The following NRG1 variants were observed in gnomAD, a reference collection of about 807,000 sequenced individuals.
NRG1 encodes the protein pro-neuregulin-1, membrane-bound isoform.
A neutral mutation model predicts 63.8 loss-of-function variants in NRG1; 18 were observed. The ratio of observed to expected loss-of-function variants is 0.28; its 90% confidence interval spans 0.19 to 0.42. The LOEUF (loss-of-function observed/expected upper bound fraction) is 0.42. NRG1 is among the 10% of genes least tolerant of loss of function. The probability of loss-of-function intolerance (pLI) is 1.00; values close to 1 mark genes in which losing one functional copy is unlikely to be tolerated. For missense variants in NRG1, 762 were observed against 814.7 expected (o/e 0.94, Z 0.79); for synonymous variants, 302 against 301.3 (o/e 1.00, Z -0.02).
At chr8:32,225,232 G>A (rs1460447341) in intron 1 of NRG1, among the ~76,000 whole-genome samples, 5 of 152,112 alleles carry the variant, frequency 3.3e-5, no homozygotes, top group African/African-American at 1.2e-4. Context: ...GTTAGTAAGT[G>A]GACAAAGTAG....
chr8:32,751,670 T>A (rs1295686233), intron 7 of NRG1, among the ~76,000 whole-genome samples: 2 of 152,224 alleles, frequency 1.3e-5, no homozygotes, highest in East Asian at 3.9e-4. Flanking sequence ...ATCCCACGTC[T>A]GTATTCTATG....
chr8:32,709,057 A>G (rs867281550), intron 5 of NRG1, among the ~76,000 whole-genome samples: 1 of 152,242 alleles, frequency 6.6e-6, no homozygotes, highest in African/African-American at 2.4e-5. Context: ...ACTAAGCCGA[A>G]GATTCCCTTT....
intron 1 of NRG1, among the ~76,000 whole-genome samples, chr8:32,021,308 G>T (rs972819091): frequency 1.3e-5 from 2 of 152,050 alleles, no homozygotes; most frequent in Admixed American, 1.3e-4. Context: ...CTTTTATTCT[G>T]CATCATAACA....
chr8:32,528,328 A>G (rs1256473005), intron 1 of NRG1, among the ~76,000 whole-genome samples: 1 of 152,212 alleles, frequency 6.6e-6, no homozygotes, highest in African/African-American at 2.4e-5. Flanking sequence ...TTTCCCTGCA[A>G]TCCAGTACAA....
At chr8:32,354,816 A>G (rs947632996) in intron 1 of NRG1, among the ~76,000 whole-genome samples, 9 of 150,014 alleles carry the variant, frequency 6.0e-5, no homozygotes, top group African/African-American at 2.2e-4. Flanking sequence ...AAAAAAAAAC[A>G]TATAACATAA....
intron 1 of NRG1, among the ~76,000 whole-genome samples, chr8:31,784,432 T>C (rs191877712): frequency 3.9e-5 from 6 of 152,284 alleles, no homozygotes; most frequent in Admixed American, 3.3e-4. Flanking sequence ...AGGGTAAAGA[T>C]AAATGTAATT....
At chr8:32,160,868 GTAAGTGATTTC>G (rs1410471183) in intron 1 of NRG1, among the ~76,000 whole-genome samples, 1 of 152,124 alleles carries the variant, frequency 6.6e-6, no homozygotes, top group Non-Finnish European at 1.5e-5. Flanking sequence ...TTTTCCTCTG[GTAAGTGATTTC>G]TAAATTCCCG....
At chr8:32,690,738 A>G (rs559761834) in intron 5 of NRG1, among the ~76,000 whole-genome samples, 1 of 151,932 alleles carries the variant, frequency 6.6e-6, no homozygotes, top group Non-Finnish European at 1.5e-5. Flanking sequence ...TCTTTTGAAT[A>G]TCAACAGTAA....
At chr8:31,823,885 C>A (rs563817940) in intron 1 of NRG1, among the ~76,000 whole-genome samples, 1 of 152,262 alleles carries the variant, frequency 6.6e-6, no homozygotes, top group South Asian at 2.1e-4. Context: ...TAAAGACATA[C>A]AACCTAGAAG....
chr8:31,639,697 C>T (rs1287421674), intron 1 of NRG1: 6 of 1,399,708 alleles, frequency 4.3e-6, no homozygotes, highest in South Asian at 1.6e-5. Flanking sequence ...GGGGACCTGT[C>T]ACTCCCTGTA....
intron 1 of NRG1, among the ~76,000 whole-genome samples, chr8:32,158,292 T>C (rs992872263): frequency 2.6e-4 from 39 of 151,444 alleles, no homozygotes; most frequent in African/African-American, 8.7e-4. Flanking sequence ...TTTTAAACTC[T>C]CTACTTATCC....
intron 1 of NRG1, among the ~76,000 whole-genome samples, chr8:32,191,078 C>T (rs908822841): frequency 6.6e-6 from 1 of 151,338 alleles, no homozygotes; most frequent in African/African-American, 2.4e-5. Flanking sequence ...ACAAAGTTAT[C>T]AGTTATTAGA....
At chr8:31,729,580 C>T (rs1813810897) in intron 1 of NRG1, among the ~76,000 whole-genome samples, 1 of 152,064 alleles carries the variant, frequency 6.6e-6, no homozygotes, top group African/African-American at 2.4e-5. Flanking sequence ...CTCCAGTACT[C>T]ACTCTTATCA....
At chr8:31,934,316 T>TATATATATGTGTGTGTATATATAC (rs1330776599) in intron 1 of NRG1, among the ~76,000 whole-genome samples, 14 of 151,836 alleles carry the variant, frequency 9.2e-5, no homozygotes, top group South Asian at 2.1e-4. Context: ...TACATGTGTG[T>TATATATATGTGTGTGTATATATAC]ATATATATGT....
intron 5 of NRG1, among the ~76,000 whole-genome samples, chr8:32,716,290 A>T (rs910252424): frequency 2.6e-5 from 4 of 152,210 alleles, no homozygotes; most frequent in African/African-American, 7.2e-5. Flanking sequence ...TCAACTGAAG[A>T]CTTTGACTCT....
chr8:32,347,305 G>C (rs1209143794), intron 1 of NRG1, among the ~76,000 whole-genome samples: 1 of 151,928 alleles, frequency 6.6e-6, no homozygotes, highest in Non-Finnish European at 1.5e-5. Context: ...ATTTACCCCT[G>C]CTCTTCTCCT....
At chr8:31,681,575 T>A (rs1182140525) in intron 1 of NRG1, among the ~76,000 whole-genome samples, 2 of 151,938 alleles carry the variant, frequency 1.3e-5, no homozygotes, top group Non-Finnish European at 2.9e-5. Context: ...AGTAGGTTGT[T>A]AGAACTAATT....
intron 1 of NRG1, among the ~76,000 whole-genome samples, chr8:31,648,380 T>C (rs1223335151): frequency 6.6e-6 from 1 of 151,840 alleles, no homozygotes; most frequent in East Asian, 1.9e-4. Context: ...GATCCGCCCG[T>C]CTCGGCCTCC....
chr8:32,444,008 C>G (rs1408237070), intron 1 of NRG1, among the ~76,000 whole-genome samples: 1 of 151,410 alleles, frequency 6.6e-6, no homozygotes, highest in African/African-American at 2.4e-5. Context: ...TTCCTTCCTT[C>G]CTTTTTCCTT....
Sources: allele counts gnomAD v4.1 joint callset (sites outside exome capture counted in the v4.1 genomes callset), GRCh38; gene constraint gnomAD v4.1.1; transcripts MANE v1.5; gene names NCBI Gene and HGNC (gene_info 2026-07-23, HGNC 2026-07-21).